Variants in LIMS1 observed in about 807,000 individuals in gnomAD.
LIMS1 encodes the protein LIM and senescent cell antigen-like-containing domain protein 1.
Under a neutral mutation model 44.1 loss-of-function variants are expected in LIMS1, and 18 were observed. That is an observed-to-expected ratio of 0.41 (90% CI 0.28 to 0.61). The LOEUF (loss-of-function observed/expected upper bound fraction) is 0.61, where lower values mean the gene tolerates loss of function less well. Ranked by LOEUF, LIMS1 falls within the 20% of genes least tolerant of loss-of-function variation. The pLI, the probability that LIMS1 is intolerant of heterozygous loss-of-function variation, is 0.32. For missense variants in LIMS1, 201 were observed against 422.0 expected (o/e 0.48, Z 4.59); for synonymous variants, 93 against 149.1 (o/e 0.62, Z 2.74).
At chr2:108,614,058 A>G (rs564711797) in intron 1 of LIMS1, among the ~76,000 whole-genome samples, 1 of 152,244 alleles carries the variant, frequency 6.6e-6, no homozygotes, top group East Asian at 1.9e-4. Flanking sequence ...GACGCTCACT[A>G]AAGGTGTGTG....
At chr2:108,651,201 C>T (rs2438266) in intron 1 of LIMS1, among the ~76,000 whole-genome samples, 6 of 151,890 alleles carry the variant, frequency 4.0e-5, no homozygotes, top group South Asian at 2.1e-4. Context: ...GTTCCTTTGT[C>T]GTTTCAGTGT....
intron 1 of LIMS1, among the ~76,000 whole-genome samples, chr2:108,574,787 A>AT (rs1398620214): frequency 1.3e-5 from 2 of 152,044 alleles, no homozygotes; most frequent in African/African-American, 4.8e-5. Context: ...CCTGTCCCTG[A>AT]TTGCTGCTAC....
chr2:108,598,295 T>C (rs1686822273), intron 1 of LIMS1, among the ~76,000 whole-genome samples: 1 of 152,198 alleles, frequency 6.6e-6, no homozygotes. Flanking sequence ...ATCCAAACTT[T>C]TTCATTTATA....
At chr2:108,599,374 T>G (rs1686881109) in intron 1 of LIMS1, among the ~76,000 whole-genome samples, 1 of 152,240 alleles carries the variant, frequency 6.6e-6, no homozygotes, top group Non-Finnish European at 1.5e-5. Flanking sequence ...CTGGATCTCA[T>G]TCTTTTTTAT....
At chr2:108,653,788 C>A (rs989980481) in intron 1 of LIMS1, among the ~76,000 whole-genome samples, 4 of 138,522 alleles carry the variant, frequency 2.9e-5, no homozygotes, top group Admixed American at 2.3e-4. Flanking sequence ...CATGAGACAT[C>A]AATCAATATA....
intron 1 of LIMS1, among the ~76,000 whole-genome samples, chr2:108,595,694 G>A (rs189942361): frequency 7.6e-4 from 115 of 152,188 alleles, no homozygotes; most frequent in African/African-American, 2.7e-3. Context: ...CCTGTTCTTG[G>A]CTCTCAACTG....
At chr2:108,654,096 A>G (rs1309116471) in intron 1 of LIMS1, among the ~76,000 whole-genome samples, 1 of 151,638 alleles carries the variant, frequency 6.6e-6, no homozygotes, top group Non-Finnish European at 1.5e-5. Context: ...GGAGGGATGT[A>G]GGTTGTTATC....
Position 108,652,857 on chromosome 2 carries a change from T to C in LIMS1, c.33-6748T>C, listed in dbSNP as rs950892505. On this transcript the variant is annotated intron_variant, in intron 1 of 9. Coordinates refer to ENST00000544547, the Ensembl canonical transcript of LIMS1. ...CAGCCTGCCTCTGTCCCCATCCATC[T>C]GTCTGTCTGTCTCTTTCTTCCCCTC... Among the ~76,000 whole-genome samples, 181 of 152,202 alleles carry C rather than the reference T, an allele frequency of 1.2e-3. 3 individuals carry two copies. The highest frequency in any genetic ancestry group is 6.2e-4 in the Non-Finnish European group (42 of 68,034).
chr2:108,607,052 G>T, intron 1 of LIMS1: 3 of 618,878 alleles, frequency 4.8e-6, no homozygotes, highest in Non-Finnish European at 8.5e-6. Context: ...GTATTAGGAG[G>T]TGGAGCCTTT....
chr2:108,681,380 GACTC>G (rs1272538294), intron 9 of LIMS1: 31 of 983,202 alleles, frequency 3.2e-5, no homozygotes, highest in African/African-American at 7.0e-5. Context: ...TTACTCTGTA[GACTC>G]ACTCACCTCA....
intron 1 of LIMS1, among the ~76,000 whole-genome samples, chr2:108,551,303 A>T (rs1360261639): frequency 6.8e-6 from 1 of 147,460 alleles, no homozygotes; most frequent in Non-Finnish European, 1.5e-5. Flanking sequence ...ATATATATAT[A>T]AATATATATT....
intron 1 of LIMS1, among the ~76,000 whole-genome samples, chr2:108,619,247 T>C (rs1255903290): frequency 6.6e-6 from 1 of 152,200 alleles, no homozygotes; most frequent in East Asian, 1.9e-4. Context: ...ATATTTAATG[T>C]TGGGATTTCT....
At position 108,564,178 on chromosome 2, in the gene LIMS1, C is replaced by A. The variant is rs564212660; in HGVS notation, c.32+29584C>A. ...CAGCAGTTGTCAACATCAAGGAAGA[C>A]CCTGCAAAAGATAATGACTCGCTGA... On this transcript the variant is annotated intron_variant, in intron 1 of 9. Transcript: ENST00000544547. 2.0e-5 allele frequency among the ~76,000 whole-genome samples: 3 copies of A among 152,224 alleles called. No individual in the cohort carries two copies. The South Asian group carries it at 6.2e-4, about 32-fold the overall frequency.
Position 108,679,219 on chromosome 2 carries a change from C to T in LIMS1, c.823+1192C>T, listed in dbSNP as rs552112627. Among the ~76,000 whole-genome samples, 93 of 151,808 alleles carry T rather than the reference C, an allele frequency of 6.1e-4. 1 individual carries two copies. Among genetic ancestry groups the T allele is most frequent in the African/African-American group, 2.2e-3 (93 of 41,380 alleles). Reference sequence around the variant, plus strand: ...TAGGACCAGGCTCAGTGGCTCACGCCTGTGATCCCAACACTTTGGGAGGCC... The same window carrying T: ...TAGGACCAGGCTCAGTGGCTCACGCTTGTGATCCCAACACTTTGGGAGGCC... On this transcript the variant is annotated intron_variant, in intron 8 of 9. Transcript: ENST00000544547.
chr2:108,677,748 A>G (rs574421679), intron 7 of LIMS1, among the ~76,000 whole-genome samples: 17 of 152,298 alleles, frequency 1.1e-4, no homozygotes, highest in African/African-American at 3.6e-4. Flanking sequence ...ACAGATTTCT[A>G]TATTTTGCAT....
chr2:108,550,621 C>G (rs1684653261), intron 1 of LIMS1, among the ~76,000 whole-genome samples: 1 of 149,472 alleles, frequency 6.7e-6, no homozygotes, highest in Admixed American at 6.7e-5. Context: ...CGAGACCATC[C>G]TAGCTAACAC....
chr2:108,592,015 G>A (rs1686429747), intron 1 of LIMS1, among the ~76,000 whole-genome samples: 1 of 151,938 alleles, frequency 6.6e-6, no homozygotes, highest in Admixed American at 6.6e-5. Flanking sequence ...GGCTGGTCTC[G>A]AACTCCTGAC....
intron 1 of LIMS1, among the ~76,000 whole-genome samples, chr2:108,573,760 G>A (rs1195589236): frequency 2.0e-5 from 3 of 152,180 alleles, no homozygotes; most frequent in Non-Finnish European, 4.4e-5. Context: ...CAGTATGGAG[G>A]AATGAGCTAG....
At chr2:108,570,456 C>G (rs1242209146) in intron 1 of LIMS1, among the ~76,000 whole-genome samples, 4 of 152,062 alleles carry the variant, frequency 2.6e-5, no homozygotes, top group Admixed American at 2.6e-4. Flanking sequence ...ACTATATTCT[C>G]TTTGGCTATG....
Sources: allele counts gnomAD v4.1 joint callset (sites outside exome capture counted in the v4.1 genomes callset), GRCh38; gene constraint gnomAD v4.1.1; transcripts MANE v1.5; gene names NCBI Gene and HGNC (gene_info 2026-07-23, HGNC 2026-07-21).